Variants in ZNF782 observed in about 807,000 individuals in gnomAD.
ZNF782 encodes zinc finger protein 782.
In ZNF782, 12 loss-of-function variants were observed where a neutral mutation model predicts 13.0. The ratio of observed to expected loss-of-function variants is 0.92; its 90% confidence interval spans 0.59 to 1.50. The LOEUF (loss-of-function observed/expected upper bound fraction) is 1.50, where lower values mean the gene tolerates loss of function less well. Among genes scored for constraint, ZNF782 ranks in the 40% most tolerant of loss-of-function variants. The pLI is 0.00. For synonymous variants in ZNF782, 284 were observed against 283.0 expected (o/e 1.00, Z -0.04); for missense variants, 770 against 822.9 (o/e 0.94, Z 0.79).
At chr9:96,842,498 G>A (rs989015040) in intron 4 of ZNF782, among the ~76,000 whole-genome samples, 1 of 151,972 alleles carries the variant, frequency 6.6e-6, no homozygotes, top group East Asian at 1.9e-4. Flanking sequence ...GTTGCATGGA[G>A]CAAATGGATA....
At chr9:96,871,906 T>C (rs771701827) in intron 1 of ZNF782, among the ~76,000 whole-genome samples, 22 of 152,332 alleles carry the variant, frequency 1.4e-4, no homozygotes, top group African/African-American at 4.3e-4. Context: ...TTCATCTGCA[T>C]TGATCACCCA....
intron 1 of ZNF782, among the ~76,000 whole-genome samples, chr9:96,865,127 GTTC>G (rs1337979214): frequency 6.6e-6 from 1 of 152,176 alleles, no homozygotes; most frequent in Non-Finnish European, 1.5e-5. Flanking sequence ...CTCCCAGCCT[GTTC>G]TTCTCTCAGT....
chr9:96,886,921 CG>C, the ZNF782 span, among the ~76,000 whole-genome samples: 302 of 112,674 alleles, frequency 2.7e-3, 3 homozygotes, highest in African/African-American at 0.012. Context: ...AACTCCCTCT[CG>C]AAAAAAAAAA....
At chr9:96,876,943 CAAAAAAAAAAAAAA>C (rs398011569), upstream of ZNF782, among the ~76,000 whole-genome samples, 202 of 42,842 alleles carry the variant, frequency 4.7e-3, 4 homozygotes, top group Non-Finnish European at 5.8e-3. Context: ...AACTCCGACT[CAAAAAAAAAAAAAA>C]AAAAAAAAAA....
At chr9:96,916,669 GCGGTGTGCAGCGGCTCCCCAGC>G in the ZNF782 span, among the ~76,000 whole-genome samples, 1 of 152,140 alleles carries the variant, frequency 6.6e-6, no homozygotes, top group African/African-American at 2.4e-5. Flanking sequence ...CTAGATGCCT[GCGGTGTGCAGCGGCTCCCCAGC>G]CCGAGGCCTT....
the ZNF782 span, among the ~76,000 whole-genome samples, chr9:96,926,954 G>GTCTCAGATTTTCTTGCTGTGC: frequency 6.6e-6 from 1 of 152,114 alleles, no homozygotes; most frequent in Non-Finnish European, 1.5e-5. Flanking sequence ...TGACATCTGT[G>GTCTCAGATTTTCTTGCTGTGC]TCTCAGATTT....
At chr9:96,874,216 A>G (rs1851864850) in intron 1 of ZNF782, among the ~76,000 whole-genome samples, 1 of 152,180 alleles carries the variant, frequency 6.6e-6, no homozygotes, top group African/African-American at 2.4e-5. Flanking sequence ...ATCTGACACA[A>G]ACTAAGTGGG....
intron 1 of ZNF782, among the ~76,000 whole-genome samples, chr9:96,866,890 G>T (rs553813915): frequency 6.6e-6 from 1 of 152,308 alleles, no homozygotes; most frequent in Non-Finnish European, 1.5e-5. Flanking sequence ...GGGGCCTGTA[G>T]CCCCTTTGTT....
At chr9:96,851,680 G>A (rs930180111) in intron 3 of ZNF782, among the ~76,000 whole-genome samples, 1 of 152,100 alleles carries the variant, frequency 6.6e-6, no homozygotes, top group Non-Finnish European at 1.5e-5. Context: ...ACAGATTCAA[G>A]GACACAGCTA....
the ZNF782 span, among the ~76,000 whole-genome samples, chr9:96,933,161 G>C: frequency 1.6e-4 from 24 of 147,448 alleles, no homozygotes; most frequent in Middle Eastern, 3.6e-3. Context: ...TGTATTTTTA[G>C]TAGAGACGGG....
chr9:96,910,889 G>C, the ZNF782 span, among the ~76,000 whole-genome samples: 1 of 150,318 alleles, frequency 6.7e-6, no homozygotes, highest in Non-Finnish European at 1.5e-5. Context: ...ACCCACCTCG[G>C]CCTCCCAAAG....
At chr9:96,833,152 G>A (rs1177353464) in intron 4 of ZNF782, among the ~76,000 whole-genome samples, 1 of 152,172 alleles carries the variant, frequency 6.6e-6, no homozygotes. Context: ...TGCAAGGATG[G>A]AAAGAATTCT....
chr9:96,919,765 T>C, the ZNF782 span, among the ~76,000 whole-genome samples: 2 of 150,088 alleles, frequency 1.3e-5, no homozygotes, highest in South Asian at 2.1e-4. Flanking sequence ...GGTTTCACCA[T>C]GTTGGCCTGG....
At chr9:96,819,909 G>T in intron 5 of ZNF782, 131 bp from the exon 6 acceptor site, 2 of 723,686 alleles carry the variant, frequency 2.8e-6, no homozygotes, top group Non-Finnish European at 3.9e-6. Context: ...CAACAATAAA[G>T]TAATTTCAAG....
chr9:96,872,794 C>A (rs548646134), intron 1 of ZNF782, among the ~76,000 whole-genome samples: 5 of 152,090 alleles, frequency 3.3e-5, no homozygotes, highest in African/African-American at 1.2e-4. Flanking sequence ...AGTGGCATAG[C>A]GTATTAGATG....
At chr9:96,926,218 CAAGG>C in the ZNF782 span, among the ~76,000 whole-genome samples, 1 of 142,898 alleles carries the variant, frequency 7.0e-6, no homozygotes, top group Non-Finnish European at 1.5e-5. Flanking sequence ...ACTAACTTGA[CAAGG>C]GAGGAAGCAA....
chr9:96,905,492 T>C, the ZNF782 span, among the ~76,000 whole-genome samples: 1 of 151,742 alleles, frequency 6.6e-6, no homozygotes, highest in Non-Finnish European at 1.5e-5. Context: ...GTTTAGCATA[T>C]CATCAAGAAA....
chr9:96,901,198 T>C, the ZNF782 span, among the ~76,000 whole-genome samples: 2 of 151,632 alleles, frequency 1.3e-5, no homozygotes, highest in Admixed American at 6.6e-5. Flanking sequence ...GTTACAGTTT[T>C]GACAGTAAAT....
chr9:96,844,749 C>T, intron 4 of ZNF782, 141 bp downstream of exon 4: 1 of 1,122,446 alleles, frequency 8.9e-7, no homozygotes, highest in Non-Finnish European at 1.3e-6. Context: ...GTTAAGTATA[C>T]CTCAATAAAA....
Sources: gnomAD v4.1 joint callset for allele counts (sites outside exome capture counted in the v4.1 genomes callset) on GRCh38, gnomAD v4.1.1 for gene constraint, MANE v1.5 for transcripts, NCBI Gene and HGNC (gene_info 2026-07-23, HGNC 2026-07-21) for gene names.